The following MROH1 variants were observed in gnomAD, a reference collection of about 807,000 sequenced individuals.
MROH1 encodes maestro heat like repeat family member 1.
A neutral mutation model predicts 116.5 loss-of-function variants in MROH1; 117 were observed. The ratio of observed to expected loss-of-function variants is 1.00; its 90% CI spans 0.86 to 1.17. The LOEUF (loss-of-function observed/expected upper bound fraction) is 1.17. MROH1 is among the 50% of genes most tolerant of loss of function. The pLI, the probability that MROH1 is intolerant of heterozygous loss-of-function variation, is 0.00. For missense variants in MROH1, 1,873 were observed against 1,338.5 expected (o/e 1.40, Z -6.23); for synonymous variants, 921 against 583.9 (o/e 1.58, Z -8.32).
chr8:144,239,568 C>A, intron 17 of MROH1, 46 bp from the exon 18 acceptor site: 1 of 767,510 alleles, frequency 1.3e-6, no homozygotes, highest in Non-Finnish European at 2.4e-6. Flanking sequence ...GTGGGCATGA[C>A]CAGTGCTCCC....
At chr8:144,217,999 C>T (rs1415341144) in intron 12 of MROH1, among the ~76,000 whole-genome samples, 60 of 147,114 alleles carry the variant, frequency 4.1e-4, no homozygotes, top group Non-Finnish European at 6.2e-4. Context: ...TGGGTGGCTG[C>T]GTTAGTGGCC....
At chr8:144,152,276 A>T (rs1816976978) in intron 1 of MROH1, among the ~76,000 whole-genome samples, 1 of 152,216 alleles carries the variant, frequency 6.6e-6, no homozygotes, top group African/African-American at 2.4e-5. Context: ...GGTAACTGAA[A>T]CCAAGGAAAG....
At chr8:144,156,826 A>G (rs1420287741) in intron 1 of MROH1, among the ~76,000 whole-genome samples, 1 of 122,028 alleles carries the variant, frequency 8.2e-6, no homozygotes, top group Non-Finnish European at 1.6e-5. Flanking sequence ...TTCTGTCCCC[A>G]GGCTTGAGTG....
At chr8:144,200,705 T>A in intron 12 of MROH1, 164 bp downstream of exon 12, 1 of 620,598 alleles carries the variant, frequency 1.6e-6, no homozygotes, top group Non-Finnish European at 2.9e-6. Context: ...TTTTGAAAAG[T>A]TGCAAGGGTG....
At chr8:144,168,488 T>C in intron 4 of MROH1, 48 bp downstream of exon 4, 2 of 1,556,234 alleles carry the variant, frequency 1.3e-6, no homozygotes, top group Non-Finnish European at 1.7e-6. Flanking sequence ...CCATGGTCGG[T>C]TGGGGCTTAC....
intron 35 of MROH1, among the ~76,000 whole-genome samples, chr8:144,257,793 C>T (rs948208418): frequency 1.3e-5 from 2 of 152,358 alleles, no homozygotes; most frequent in African/African-American, 2.4e-5. Context: ...CGGCCCGTGC[C>T]GCTCGGGGGT....
In MROH1 at chr8:144,247,343, T is replaced by C; in HGVS notation, c.2914T>C (p.Phe972Leu). 3.9e-6 allele frequency: 3 copies of C among 773,574 alleles called. No individual in the cohort carries two copies. Among genetic ancestry groups the C allele is most frequent in the Admixed American group, 1.7e-5 (1 of 58,434 alleles). The allele number at this position is 773,574 out of a possible 1,614,324, so 47.9% of individuals were successfully genotyped here. Residue 972 changes from phenylalanine to leucine, a missense_variant, in exon 30 of 44, where the codon TTC becomes CTC. Coordinates refer to ENST00000326134, the MANE Select transcript of MROH1 (RefSeq NM_032450.3). ...CAACCTGGGCCTTCTCATCGGCCTC[T>C]TCTCCCCACGGTGTGCGGACCTGTG... is the stretch of plus-strand genomic sequence containing the variant. ...FHNLGLLIGLFSPRCADLWPA... is the reference protein window; with the variant it reads ...FHNLGLLIGLLSPRCADLWPA...
intron 12 of MROH1, among the ~76,000 whole-genome samples, chr8:144,211,918 C>T (rs989277506): frequency 1.4e-4 from 22 of 152,128 alleles, no homozygotes; most frequent in Non-Finnish European, 4.4e-5. Context: ...CTTTGGCAAG[C>T]GGCAGCCTCT....
intron 3 of MROH1, among the ~76,000 whole-genome samples, chr8:144,165,370 C>T (rs890415130): frequency 1.3e-5 from 2 of 151,976 alleles, no homozygotes; most frequent in Admixed American, 6.6e-5. Flanking sequence ...CCATCTACCT[C>T]GGCCTCCTAA....
At chr8:144,230,901 G>A (rs1838750913) in intron 14 of MROH1, among the ~76,000 whole-genome samples, 1 of 140,608 alleles carries the variant, frequency 7.1e-6, no homozygotes, top group African/African-American at 2.7e-5. Context: ...GGGAAGGTCA[G>A]CAGATAAACA....
chr8:144,251,067 T>C (rs1159229692), intron 33 of MROH1: 3 of 160,926 alleles, frequency 1.9e-5, no homozygotes, highest in African/African-American at 7.2e-5. Context: ...CAAGGCAGAG[T>C]GACCCTTCCC....
Position 144,254,952 on chromosome 8 carries a change from C to A in MROH1, c.3568C>A (p.Arg1190Ser). Residue 1190 changes from arginine (R) to serine (S), a missense_variant, in exon 34 of 44, where the codon CGC becomes AGC. By Grantham distance (110) the Arg-to-Ser change is moderately radical. Coordinates refer to ENST00000326134, the MANE Select transcript of MROH1 (RefSeq NM_032450.3). ...RAFLLGRTPD[R>S]VATLLPLSAT... The stretch of plus-strand genomic sequence containing the variant: ...CTTCCTGCTGGGCCGCACCCCAGAC[C>A]GCGTGGCCACGCTGCTGCCTCTCTC... 1 of 771,416 alleles carries A rather than the reference C, an allele frequency of 1.3e-6. No individual in the cohort carries two copies. The highest frequency in any genetic ancestry group is 1.4e-5 in the South Asian group (1 of 73,336). 47.8% of individuals were successfully genotyped at this position (771,416 alleles called of 1,614,324 possible).
intron 7 of MROH1, among the ~76,000 whole-genome samples, chr8:144,184,502 C>T (rs755578335): frequency 6.6e-6 from 1 of 152,088 alleles, no homozygotes; most frequent in Non-Finnish European, 1.5e-5. Context: ...GGTAAAGAGG[C>T]GAAAGGGAGA....
chr8:144,163,338 A>G lies in MROH1; in HGVS notation c.-56-433A>G, dbSNP rs1564368633. 6.6e-6 allele frequency among the ~76,000 whole-genome samples: 1 copy of G among 152,186 alleles called. No homozygotes were observed. The highest frequency in any genetic ancestry group is 1.5e-5 in the Non-Finnish European group (1 of 68,038). On this transcript the variant is annotated intron_variant, in intron 2 of 43. Transcript: ENST00000326134. The surrounding 1 kb of genome is among the most constrained non-coding windows in gnomAD (Gnocchi z 4.4). ...TGGTGAAGAGGCAGAGGGAACTTGGACGCTTCCTGGACTCGATTCTTAGGG... is the reference window on the plus strand; with the variant it reads ...TGGTGAAGAGGCAGAGGGAACTTGGGCGCTTCCTGGACTCGATTCTTAGGG...
In MROH1 at chr8:144,219,317, C is replaced by T. The variant is rs536904137; in HGVS notation, c.1142-1283C>T. Among the ~76,000 whole-genome samples the T allele has an allele frequency of 7.9e-5, 12 of 152,108 alleles. No individual in the cohort carries two copies. In the South Asian group the frequency reaches 1.2e-3, roughly 16 times the overall value. On this transcript the variant is annotated intron_variant, in intron 12 of 43. Coordinates refer to ENST00000326134, the MANE Select transcript of MROH1 (RefSeq NM_032450.3). ...GATTACAGGCGTGAGCCACCGCGCC[C>T]GACCAATTTTTGTATTTTTTAGTAC...
intron 8 of MROH1, 38 bp downstream of exon 8, chr8:144,190,973 A>G: frequency 6.3e-7 from 1 of 1,580,978 alleles, no homozygotes; most frequent in Non-Finnish European, 8.6e-7. Flanking sequence ...GCCTGATGCC[A>G]GGGCTCTCTC....
chr8:144,225,732 A>T (rs899735733), intron 14 of MROH1, among the ~76,000 whole-genome samples: 9 of 150,228 alleles, frequency 6.0e-5, no homozygotes, highest in Admixed American at 2.7e-4. Context: ...TTTATTTTTT[A>T]AATTTTTAGT....
At chr8:144,256,599 C>T (rs1843858092) in intron 35 of MROH1, among the ~76,000 whole-genome samples, 1 of 152,198 alleles carries the variant, frequency 6.6e-6, no homozygotes, top group Admixed American at 6.5e-5. Context: ...CTGGGCCTGG[C>T]CTGCTGCGAA....
chr8:144,214,004 A>G (rs2132186861), intron 12 of MROH1: 1 of 152,262 alleles, frequency 6.6e-6, no homozygotes, highest in South Asian at 2.1e-4. Context: ...TTTAAAACAC[A>G]GTAATTTCAT....
Sources: allele counts gnomAD v4.1 joint callset (sites outside exome capture counted in the v4.1 genomes callset), GRCh38; gene constraint gnomAD v4.1.1; non-coding constraint Gnocchi (gnomAD v3.1); transcripts MANE v1.5; gene names NCBI Gene and HGNC (gene_info 2026-07-23, HGNC 2026-07-21).